UTP15: variants seen among roughly 807,000 people sequenced by gnomAD.
UTP15 encodes U3 small nucleolar RNA-associated protein 15 homolog.
Under a neutral mutation model 59.1 loss-of-function variants are expected in UTP15, and 5 were observed. The observed-to-expected ratio is 0.08, with a 90% CI of 0.04 to 0.18. UTP15 has a LOEUF of 0.18. Among genes scored for constraint, UTP15 ranks in the 10% least tolerant of loss-of-function variants. The probability of loss-of-function intolerance (pLI) is 1.00; values close to 1 mark genes in which losing one functional copy is unlikely to be tolerated. For synonymous variants in UTP15, 211 were observed against 212.2 expected, an observed-to-expected ratio of 0.99 and a Z score of 0.05; for missense variants, 494 against 616.7, an observed-to-expected ratio of 0.80 and a Z score of 2.11.
chr5:73,576,607 T>C (rs1419843096), intron 7 of UTP15, among the ~76,000 whole-genome samples: 24 of 152,126 alleles, frequency 1.6e-4, no homozygotes, highest in Non-Finnish European at 1.5e-5. Flanking sequence ...CCCAAGTAGC[T>C]GGGATTACAG....
At chr5:73,579,535 T>C (rs181072624) in intron 12 of UTP15, among the ~76,000 whole-genome samples, 160 bp downstream of exon 12, 1 of 152,300 alleles carries the variant, frequency 6.6e-6, no homozygotes, top group Admixed American at 6.5e-5. Context: ...GTTTAAAAAG[T>C]AGTAAAATGT....
intron 1 of UTP15, 46 bp downstream of exon 1, chr5:73,565,958 G>A (rs1747741809): frequency 6.7e-6 from 3 of 450,434 alleles, no homozygotes; most frequent in South Asian, 4.7e-5. Flanking sequence ...ACTCACACCC[G>A]GCCTTCCTGT....
At position 73,582,437 on chromosome 5, in the gene UTP15, T is replaced by C. The variant is rs1748348858; in HGVS notation, c.*2343T>C. On this transcript the variant is annotated 3_prime_UTR_variant, in exon 13 of 13. Transcript: ENST00000296792. Reference sequence around the variant, plus strand: ...TCTCTTTCTGTTGTCCAGGCTGGAGTGTAGTGGTGTGATCATAGCTCACTG... The same window carrying C: ...TCTCTTTCTGTTGTCCAGGCTGGAGCGTAGTGGTGTGATCATAGCTCACTG... 6.6e-6 allele frequency: 1 copy of C among 152,192 alleles called. No homozygotes were observed. Among genetic ancestry groups the C allele is most frequent in the African/African-American group, 2.4e-5 (1 of 41,434 alleles). The allele number at this position is 152,192 out of a possible 1,614,324, so 9.4% of individuals were successfully genotyped here. A position where few individuals can be genotyped will look rare whatever the true frequency, so the allele number is the denominator to read the frequency against.
Position 73,567,019 on chromosome 5 carries a change from A to G in UTP15, c.-83-243A>G, listed in dbSNP as rs142246394. Among the ~76,000 whole-genome samples, 63 of 152,276 alleles carry G rather than the reference A, an allele frequency of 4.1e-4. No homozygotes were observed. The East Asian group carries it at 0.011, about 26-fold the overall frequency. On this transcript the variant is annotated intron_variant, in intron 1 of 12. Transcript: ENST00000296792. ...GTAAGGCTGTGCTAGATTTATTCCT[A>G]AGTGTTGTAAAATGGTTGGCTAGGT...
intron 5 of UTP15, among the ~76,000 whole-genome samples, chr5:73,570,038 C>G (rs1216361389): frequency 2.0e-5 from 3 of 152,068 alleles, no homozygotes; most frequent in Non-Finnish European, 4.4e-5. Flanking sequence ...TGCCATGTTG[C>G]CCAGGCTGGT....
In UTP15 at chr5:73,569,569, A is replaced by G; in HGVS notation, c.441A>G (p.Lys147=). Residue 147 remains lysine (K), a synonymous_variant, in exon 5 of 13, where the codon AAA becomes AAG. Transcript: ENST00000296792. The stretch of plus-strand genomic sequence containing the variant: ...CTGGGGCTGATGATTATACAGTTAA[A>G]TTATGGGATATTCCAAACTCCAAAG... The part of the protein sequence containing the change: ...VVSGADDYTV[K]LWDIPNSKEI... The G allele has an allele frequency of 1.2e-6, 2 of 1,613,870 alleles. No individual in the cohort carries two copies. Among genetic ancestry groups the G allele is most frequent in the Non-Finnish European group, 1.7e-6 (2 of 1,179,868 alleles).
At position 73,570,685 on chromosome 5, in the gene UTP15, C is replaced by T. The variant is rs199694261; in HGVS notation, c.647C>T (p.Pro216Leu). 1 of 1,614,150 alleles carries T rather than the reference C, an allele frequency of 6.2e-7. No individual in the cohort carries two copies. The highest frequency in any genetic ancestry group is 1.1e-5 in the South Asian group (1 of 91,086). Residue 216 changes from proline to leucine, a missense_variant, in exon 6 of 13, where the codon CCC (proline) becomes CTC (leucine). Pro to Leu is a moderately conservative substitution (Grantham distance 98, BLOSUM62 -3). Transcript: ENST00000296792. ...CCAGTGGAGAGTGTCCTACTTTTCC[C>T]CTCTGGAGGTCTTCTGGTGTCAGCA... ...GQPVESVLLF[P>L]SGGLLVSAGG... is the part of the protein sequence containing the mutation.
At position 73,568,523 on chromosome 5, in the gene UTP15, T is replaced by C. The variant is rs574742438; in HGVS notation, c.287T>C (p.Val96Ala). The C allele has an allele frequency of 2.5e-6, 4 of 1,614,126 alleles. No homozygotes were observed. Among genetic ancestry groups the C allele is most frequent in the East Asian group, 4.5e-5 (2 of 44,878 alleles). The stretch of plus-strand genomic sequence containing the variant: ...TTTCGACAAGATGGTAGATTGCTTG[T>C]GGCTGGCAGTGAAGATGGTGGAGTT... ...ATFRQDGRLLVAGSEDGGVQL... is the reference protein window; with the variant it reads ...ATFRQDGRLLAAGSEDGGVQL... The change falls in exon 4 of 13, where the codon GTG (valine) becomes GCG (alanine). Residue 96 changes from valine to alanine, a missense_variant. Physicochemically the swap from Val to Ala is moderately conservative, Grantham distance 64 (BLOSUM62 0). Coordinates refer to ENST00000296792, the MANE Select transcript of UTP15 (RefSeq NM_032175.4).
At chr5:73,579,224 T>C in intron 11 of UTP15, 74 bp downstream of exon 11, 1 of 1,605,402 alleles carries the variant, frequency 6.2e-7, no homozygotes, top group Non-Finnish European at 8.5e-7. Context: ...GACATTTAGT[T>C]TGATCTTTGT....
chr5:73,574,785 T>A (rs1748041044), intron 7 of UTP15, among the ~76,000 whole-genome samples: 1 of 152,200 alleles, frequency 6.6e-6, no homozygotes, highest in Non-Finnish European at 1.5e-5. Flanking sequence ...CGTGCCCGGC[T>A]TACATGATCT....
chr5:73,572,739 GA>G (rs960069760), intron 7 of UTP15, 115 bp downstream of exon 7: 12 of 1,047,144 alleles, frequency 1.1e-5, no homozygotes, highest in South Asian at 1.9e-5. Flanking sequence ...ATTTCCAGGA[GA>G]AAAAAACCTG....
chr5:73,574,048 T>C (rs1379712099), intron 7 of UTP15, among the ~76,000 whole-genome samples: 1 of 152,082 alleles, frequency 6.6e-6, no homozygotes, highest in Non-Finnish European at 1.5e-5. Flanking sequence ...TTTAGGTTGG[T>C]ACAGTGGCTT....
intron 7 of UTP15, among the ~76,000 whole-genome samples, chr5:73,574,261 G>A (rs1748024287): frequency 6.6e-6 from 1 of 151,814 alleles, no homozygotes; most frequent in Admixed American, 6.6e-5. Context: ...GTTTGAGGTT[G>A]CAGTGAGCTG....
chr5:73,567,778 G>A, intron 2 of UTP15: 1 of 187,814 alleles, frequency 5.3e-6, no homozygotes. Flanking sequence ...TATTAGTAGT[G>A]GACTGGTATA....
Position 73,577,090 on chromosome 5 carries a change from A to G in UTP15, c.894+54A>G, listed in dbSNP as rs537528796. ...GTCACTAACCCTGCCTGTTAAATGA[A>G]ACTAAAATGGAACTTTGGGCTTTAT... On this transcript the variant is annotated intron_variant, in intron 8 of 12. Transcript: ENST00000296792. 4.5e-6 allele frequency: 6 copies of G among 1,336,596 alleles called. No homozygotes were observed. In the East Asian group the frequency reaches 9.3e-5, roughly 21 times the overall value. 82.8% of individuals were successfully genotyped at this position (1,336,596 alleles called of 1,614,324 possible). A position where few individuals can be genotyped will look rare whatever the true frequency, so the allele number is the denominator to read the frequency against.
chr5:73,577,031 C>G lies in UTP15; in HGVS notation c.889C>G (p.Leu297Val), dbSNP rs146121981. The change falls in exon 8 of 13, where the codon CTT becomes GTT. Residue 297 changes from leucine to valine, a missense_variant. Coordinates refer to ENST00000296792, the MANE Select transcript of UTP15 (RefSeq NM_032175.4). ...TGCAGCTTCAATTTTGAGTCTTGCC[C>G]TTGCAGTAAGTACCTTTACCTATTT... ...DYAASILSLA[L>V]AHEDETIVVG... 1.2e-6 allele frequency: 2 copies of G among 1,607,690 alleles called. No individual in the cohort carries two copies. The highest frequency in any genetic ancestry group is 2.2e-5 in the South Asian group (2 of 89,602).
intron 7 of UTP15, among the ~76,000 whole-genome samples, chr5:73,573,444 C>T (rs576785470): frequency 1.3e-5 from 2 of 151,838 alleles, no homozygotes; most frequent in Non-Finnish European, 2.9e-5. Context: ...GACGGGGTTT[C>T]GCCATATTGC....
rs1747804943 is a variant in UTP15 at position 73,567,299 on chromosome 5, A to T, written c.-46A>T. The T allele has an allele frequency of 2.2e-6, 3 of 1,373,244 alleles. No homozygotes were observed. In the African/African-American group the frequency reaches 4.4e-5, roughly 20 times the overall value. The allele number at this position is 1,373,244 out of a possible 1,614,324, so 85.1% of individuals were successfully genotyped here. A position where few individuals can be genotyped will look rare whatever the true frequency, so the allele number is the denominator to read the frequency against. On this transcript the variant is annotated 5_prime_UTR_variant, in exon 2 of 13. Transcript: ENST00000296792. Reference sequence around the variant, plus strand: ...GTCACTGTAATTATTTCTAATACCAATTCCAAAATAGTGACTCTTGGACAA... The same window carrying T: ...GTCACTGTAATTATTTCTAATACCATTTCCAAAATAGTGACTCTTGGACAA...
At chr5:73,577,581 G>A (rs141461024) in intron 8 of UTP15, among the ~76,000 whole-genome samples, 3 of 152,254 alleles carry the variant, frequency 2.0e-5, no homozygotes, top group African/African-American at 4.8e-5. Flanking sequence ...TCTTGCTACT[G>A]TGTAATCTTT....
Sources: allele counts gnomAD v4.1 joint callset (sites outside exome capture counted in the v4.1 genomes callset), GRCh38; gene constraint gnomAD v4.1.1; transcripts MANE v1.5; gene names NCBI Gene and HGNC (gene_info 2026-07-23, HGNC 2026-07-21).